Variants in CLRN3 observed in about 807,000 individuals in gnomAD.
CLRN3 encodes the protein clarin-3.
In CLRN3, 12 loss-of-function variants were observed where a neutral mutation model predicts 16.7. That is an observed-to-expected ratio of 0.72 (90% CI 0.46 to 1.16). The LOEUF (loss-of-function observed/expected upper bound fraction) is 1.16, where lower values mean the gene tolerates loss of function less well. Among genes scored for constraint, CLRN3 ranks in the 50% most tolerant of loss-of-function variants. The probability of loss-of-function intolerance (pLI) is 0.00; values close to 1 mark genes in which losing one functional copy is unlikely to be tolerated. For synonymous variants in CLRN3, 118 were observed against 113.0 expected, an observed-to-expected ratio of 1.04 and a Z score of -0.28; for missense variants, 296 against 274.2, an observed-to-expected ratio of 1.08 and a Z score of -0.56.
At chr10:127,889,345 CG>C (rs1407585532) in intron 1 of CLRN3, among the ~76,000 whole-genome samples, 2 of 151,728 alleles carry the variant, frequency 1.3e-5, no homozygotes, top group African/African-American at 4.8e-5. Flanking sequence ...AAAATCTTGC[CG>C]GGCGCAGTGG....
intron 2 of CLRN3, among the ~76,000 whole-genome samples, chr10:127,879,329 G>A (rs1323215879): frequency 1.3e-5 from 2 of 152,064 alleles, no homozygotes; most frequent in Admixed American, 1.3e-4. Flanking sequence ...TCGAACTCCT[G>A]GACTCAAGTG....
chr10:127,890,687 A>T (rs185875815), intron 1 of CLRN3, among the ~76,000 whole-genome samples: 119 of 152,234 alleles, frequency 7.8e-4, no homozygotes, highest in African/African-American at 2.6e-3. Context: ...ATTTGAAAAA[A>T]GCCCCAAGTG....
chr10:127,892,087 G>A (rs187507953), intron 1 of CLRN3, among the ~76,000 whole-genome samples: 23 of 152,152 alleles, frequency 1.5e-4, no homozygotes, highest in African/African-American at 5.5e-4. Flanking sequence ...AGATTTTTTG[G>A]AGGTAAATTA....
chr10:127,886,922 C>T (rs1027852800), intron 1 of CLRN3, among the ~76,000 whole-genome samples: 19 of 152,162 alleles, frequency 1.2e-4, no homozygotes, highest in East Asian at 9.7e-4. Context: ...ACCTGGGTCA[C>T]GCCAGCCACT....
intron 1 of CLRN3, among the ~76,000 whole-genome samples, chr10:127,886,565 CA>C (rs556826046): frequency 1.9e-3 from 287 of 152,200 alleles, no homozygotes; most frequent in African/African-American, 6.5e-3. Context: ...TGAGAAAGTG[CA>C]GGAAAGAAAA....
At chr10:127,887,276 C>T (rs925581062) in intron 1 of CLRN3, among the ~76,000 whole-genome samples, 187 of 152,238 alleles carry the variant, frequency 1.2e-3, no homozygotes, top group African/African-American at 4.1e-3. Flanking sequence ...TCCTCCTGGA[C>T]GCTAAAGGGG....
At chr10:127,882,312 C>T (rs1474956296) in intron 2 of CLRN3, among the ~76,000 whole-genome samples, 1 of 152,216 alleles carries the variant, frequency 6.6e-6, no homozygotes, top group East Asian at 1.9e-4. Context: ...AGCCTGACCC[C>T]AAATCCTTAG....
chr10:127,890,793 C>T (rs912364714), intron 1 of CLRN3, among the ~76,000 whole-genome samples: 5 of 151,240 alleles, frequency 3.3e-5, no homozygotes, highest in African/African-American at 1.2e-4. Flanking sequence ...CAGCTGAACA[C>T]CGCAAGTTGA....
At chr10:127,890,545 T>C (rs1845246559) in intron 1 of CLRN3, among the ~76,000 whole-genome samples, 1 of 152,190 alleles carries the variant, frequency 6.6e-6, no homozygotes, top group African/African-American at 2.4e-5. Flanking sequence ...CTTGGGGGAC[T>C]CTTGATGTGA....
At chr10:127,891,292 AT>A (rs1197280708) in intron 1 of CLRN3, among the ~76,000 whole-genome samples, 1 of 152,248 alleles carries the variant, frequency 6.6e-6, no homozygotes, top group Non-Finnish European at 1.5e-5. Context: ...TTTATCTCAA[AT>A]TGGAAATCAA....
intron 1 of CLRN3, among the ~76,000 whole-genome samples, chr10:127,890,623 G>A (rs1845247315): frequency 6.6e-6 from 1 of 152,072 alleles, no homozygotes; most frequent in Non-Finnish European, 1.5e-5. Context: ...CCACCGCTGG[G>A]CAAGAAAGGG....
chr10:127,885,303 G>T (rs962462133), intron 1 of CLRN3, among the ~76,000 whole-genome samples: 1 of 152,076 alleles, frequency 6.6e-6, no homozygotes, highest in Non-Finnish European at 1.5e-5. Flanking sequence ...TCCTTGCATC[G>T]CCGTAATGAT....
At chr10:127,888,044 T>A (rs1845217612) in intron 1 of CLRN3, among the ~76,000 whole-genome samples, 1 of 152,172 alleles carries the variant, frequency 6.6e-6, no homozygotes, top group Non-Finnish European at 1.5e-5. Flanking sequence ...AATGTAACCC[T>A]TCAGGCCCCA....
intron 2 of CLRN3, among the ~76,000 whole-genome samples, chr10:127,879,518 C>T (rs1345804681): frequency 1.3e-5 from 2 of 151,912 alleles, no homozygotes; most frequent in African/African-American, 2.4e-5. Flanking sequence ...AGTCATGTAG[C>T]CTTTCTGAGC....
At chr10:127,881,711 C>T (rs899407170) in intron 2 of CLRN3, among the ~76,000 whole-genome samples, 1 of 152,208 alleles carries the variant, frequency 6.6e-6, no homozygotes, top group Non-Finnish European at 1.5e-5. Flanking sequence ...TGCAAAGTAG[C>T]CCAGGACTTT....
rs951977352 is a variant in CLRN3, at chr10:127,882,714, C to T, written c.409+982G>A. ...CCTCCTCCGAGGCTTCCTGACATGT[C>T]TGATATCCAGAGCCTCCTTCCTGTG... On this transcript the variant is annotated intron_variant, in intron 2 of 2. Coordinates refer to ENST00000368671, the MANE Select transcript of CLRN3 (RefSeq NM_152311.5). 4.6e-5 allele frequency among the ~76,000 whole-genome samples: 7 copies of T among 152,328 alleles called. No homozygotes were observed. The East Asian group carries it at 1.4e-3, about 29-fold the overall frequency.
rs538063571 is a variant in CLRN3 at position 127,891,470 on chromosome 10, A to G, written c.229+1086T>C. ...GTCTCTGAAAGTTGCTGTAAAGCCA[A>G]TGTTCCCCATCCTTATGGGAAGCTG... On this transcript the variant is annotated intron_variant, in intron 1 of 2. Coordinates refer to ENST00000368671, the MANE Select transcript of CLRN3 (RefSeq NM_152311.5). Among the ~76,000 whole-genome samples the G allele has an allele frequency of 5.9e-5, 9 of 152,378 alleles. No homozygotes were observed. The South Asian group carries it at 1.4e-3, about 25-fold the overall frequency.
Position 127,878,334 on chromosome 10 carries a change from G to C in CLRN3, c.496C>G (p.Pro166Ala), listed in dbSNP as rs764510882. The change falls in exon 3 of 3, where the codon CCG becomes GCG. Residue 166 changes from proline to alanine, a missense_variant. Coordinates refer to ENST00000368671, the MANE Select transcript of CLRN3 (RefSeq NM_152311.5). ...GTCGTTCCTTTACTGGTGGTTGCCGGGTAAAGCATTTGGAACAACTCTTCG... is the reference window on the plus strand; with the variant it reads ...GTCGTTCCTTTACTGGTGGTTGCCGCGTAAAGCATTTGGAACAACTCTTCG... ...LSEELFQMLYPATTSKGTTHS... is the reference protein window; with the variant it reads ...LSEELFQMLYAATTSKGTTHS... The C allele has an allele frequency of 5.0e-6, 8 of 1,614,130 alleles. No individual in the cohort carries two copies. The highest frequency in any genetic ancestry group is 5.9e-6 in the Non-Finnish European group (7 of 1,180,016).
intron 1 of CLRN3, among the ~76,000 whole-genome samples, chr10:127,889,946 C>T (rs989665611): frequency 8.5e-5 from 13 of 152,222 alleles, no homozygotes; most frequent in African/African-American, 2.9e-4. Flanking sequence ...CTCCTAGCAG[C>T]TCATTTTTCA....
Sources: allele counts gnomAD v4.1 joint callset (sites outside exome capture counted in the v4.1 genomes callset), GRCh38; gene constraint gnomAD v4.1.1; transcripts MANE v1.5; gene names NCBI Gene and HGNC (gene_info 2026-07-23, HGNC 2026-07-21).